Variants in CTNNA2 observed in about 807,000 individuals in gnomAD.
CTNNA2 encodes catenin alpha-2.
In CTNNA2, 42 loss-of-function variants were observed where a neutral mutation model predicts 101.0. The ratio of observed to expected loss-of-function variants is 0.42; its 90% CI spans 0.32 to 0.54. The LOEUF (loss-of-function observed/expected upper bound fraction) is 0.54, where lower values mean the gene tolerates loss of function less well. Ranked by LOEUF, CTNNA2 falls within the 20% of genes least tolerant of loss-of-function variation. The pLI, the probability that CTNNA2 is intolerant of heterozygous loss-of-function variation, is 0.14. For missense variants in CTNNA2, 871 were observed against 1,223.1 expected (o/e 0.71, Z 4.29); for synonymous variants, 450 against 456.4 (o/e 0.99, Z 0.18).
chr2:80,579,858 A>G (rs1424534882), intron 13 of CTNNA2, among the ~76,000 whole-genome samples: 1 of 152,362 alleles, frequency 6.6e-6, no homozygotes, highest in Non-Finnish European at 1.5e-5. Context: ...AAACCAGCAG[A>G]ATAAAAATGT....
chr2:79,414,461 T>C (rs966062391), intron 4 of CTNNA2, among the ~76,000 whole-genome samples: 3 of 152,024 alleles, frequency 2.0e-5, no homozygotes, highest in Non-Finnish European at 2.9e-5. Context: ...TCACAAATAA[T>C]ATATACTATA....
chr2:79,372,092 C>T (rs1367866326), intron 3 of CTNNA2, among the ~76,000 whole-genome samples: 3 of 152,114 alleles, frequency 2.0e-5, no homozygotes, highest in Non-Finnish European at 4.4e-5. Context: ...ACAATTACAT[C>T]AGGTTCTCCG....
At chr2:80,359,927 C>G (rs1367387187) in intron 7 of CTNNA2, among the ~76,000 whole-genome samples, 1 of 152,016 alleles carries the variant, frequency 6.6e-6, no homozygotes, top group African/African-American at 2.4e-5. Context: ...GAAACACAAG[C>G]TATTGTGATT....
At chr2:79,270,950 A>G (rs1675067768) in intron 2 of CTNNA2, among the ~76,000 whole-genome samples, 1 of 152,064 alleles carries the variant, frequency 6.6e-6, no homozygotes, top group South Asian at 2.1e-4. Flanking sequence ...AAATGAGGAA[A>G]CAGGAAAACT....
chr2:79,353,650 A>G (rs1236462866), intron 3 of CTNNA2, among the ~76,000 whole-genome samples: 2 of 151,948 alleles, frequency 1.3e-5, no homozygotes, highest in Non-Finnish European at 2.9e-5. Flanking sequence ...TTTAAGTGGG[A>G]TATTTGGAAC....
At chr2:79,595,759 C>G (rs1485654313) in intron 1 of CTNNA2, among the ~76,000 whole-genome samples, 1 of 151,932 alleles carries the variant, frequency 6.6e-6, no homozygotes, top group Non-Finnish European at 1.5e-5. Flanking sequence ...CTTAATGTCA[C>G]CTACTACTTA....
chr2:79,667,563 C>T (rs1207814236), intron 2 of CTNNA2, among the ~76,000 whole-genome samples: 1 of 152,112 alleles, frequency 6.6e-6, no homozygotes, highest in Non-Finnish European at 1.5e-5. Flanking sequence ...ATACCTAACA[C>T]AATCTGGTAG....
At chr2:80,371,251 A>G (rs1352427109) in intron 7 of CTNNA2, among the ~76,000 whole-genome samples, 1 of 152,132 alleles carries the variant, frequency 6.6e-6, no homozygotes, top group African/African-American at 2.4e-5. Flanking sequence ...TACACAGCAA[A>G]AGCCATATGG....
chr2:79,284,690 A>G (rs901541406), intron 2 of CTNNA2, among the ~76,000 whole-genome samples: 3 of 150,544 alleles, frequency 2.0e-5, no homozygotes, highest in Non-Finnish European at 3.0e-5. Flanking sequence ...TTTTGCATCA[A>G]TGTTCATCAA....
intron 7 of CTNNA2, among the ~76,000 whole-genome samples, chr2:80,350,800 G>A (rs1573804431): frequency 6.6e-6 from 1 of 152,044 alleles, no homozygotes; most frequent in African/African-American, 2.4e-5. Flanking sequence ...TTCATGAATC[G>A]AGGAATTTGA....
At chr2:80,311,545 A>C (rs1313361317) in intron 7 of CTNNA2, among the ~76,000 whole-genome samples, 1 of 152,232 alleles carries the variant, frequency 6.6e-6, no homozygotes, top group African/African-American at 2.4e-5. Context: ...TGGGGCCTTC[A>C]AGATTCCTTC....
At chr2:79,787,967 T>G (rs1674977793) in intron 3 of CTNNA2, among the ~76,000 whole-genome samples, 1 of 152,154 alleles carries the variant, frequency 6.6e-6, no homozygotes, top group African/African-American at 2.4e-5. Context: ...AGGGGCATTA[T>G]TTTGACTATC....
chr2:80,136,393 A>G (rs1022542213), intron 7 of CTNNA2, among the ~76,000 whole-genome samples: 1 of 152,166 alleles, frequency 6.6e-6, no homozygotes, highest in Non-Finnish European at 1.5e-5. Context: ...ATTGATTGCT[A>G]TAGTCAACCA....
intron 1 of CTNNA2, among the ~76,000 whole-genome samples, chr2:79,616,853 GT>G (rs1317614896): frequency 1.3e-5 from 2 of 151,488 alleles, no homozygotes; most frequent in East Asian, 1.9e-4. Context: ...GTCTTTTGGC[GT>G]TTGTCATTTT....
At chr2:79,835,304 A>T (rs1333929220) in intron 3 of CTNNA2, among the ~76,000 whole-genome samples, 1 of 152,178 alleles carries the variant, frequency 6.6e-6, no homozygotes, top group Non-Finnish European at 1.5e-5. Flanking sequence ...TTTTCTCATT[A>T]AAGCAGGATT....
Position 79,911,664 on chromosome 2 carries a change from A to G in CTNNA2, c.1056+1867A>G, listed in dbSNP as rs908565700. On this transcript the variant is annotated intron_variant, in intron 7 of 18. Coordinates refer to ENST00000402739, the MANE Select transcript of CTNNA2 (RefSeq NM_001282597.3). ...GTGCTTTATTGAAATCTTAGTTTCT[A>G]TTTTGACATGGTTACAGACAATACA... Among the ~76,000 whole-genome samples the G allele has an allele frequency of 4.7e-4, 71 of 152,296 alleles. 1 individual carries two copies. Among genetic ancestry groups the G allele is most frequent in the African/African-American group, 1.7e-3 (71 of 41,572 alleles).
At chr2:79,214,489 TAAA>T (rs1674219464) in intron 2 of CTNNA2, among the ~76,000 whole-genome samples, 1 of 152,142 alleles carries the variant, frequency 6.6e-6, no homozygotes, top group Non-Finnish European at 1.5e-5. Context: ...TTATAGGCTT[TAAA>T]AGGCCATGCT....
At chr2:79,633,095 G>A (rs557505575) in intron 1 of CTNNA2, among the ~76,000 whole-genome samples, 4 of 152,308 alleles carry the variant, frequency 2.6e-5, no homozygotes, top group South Asian at 4.1e-4. Flanking sequence ...ACAATCAGTC[G>A]TATTATGTTA....
chr2:80,632,590 G>A (rs766072170), intron 18 of CTNNA2, among the ~76,000 whole-genome samples: 4 of 152,088 alleles, frequency 2.6e-5, no homozygotes, highest in African/African-American at 9.7e-5. Flanking sequence ...GCTACCCCAC[G>A]AGTACTTCAG....
Sources: allele counts gnomAD v4.1 joint callset (sites outside exome capture counted in the v4.1 genomes callset), GRCh38; gene constraint gnomAD v4.1.1; transcripts MANE v1.5; gene names NCBI Gene and HGNC (gene_info 2026-07-23, HGNC 2026-07-21).